Variants in RBFOX1 observed in about 807,000 individuals in gnomAD.
The protein encoded by RBFOX1 is RNA binding fox-1 homolog 1.
In RBFOX1, 8 loss-of-function variants were observed where a neutral mutation model predicts 57.7. The ratio of observed to expected loss-of-function variants is 0.14; its 90% CI spans 0.08 to 0.25. The LOEUF (loss-of-function observed/expected upper bound fraction) is 0.25. Among genes scored for constraint, RBFOX1 ranks in the 10% least tolerant of loss-of-function variants. The probability of loss-of-function intolerance (pLI) is 1.00; values close to 1 mark genes in which losing one functional copy is unlikely to be tolerated. For missense variants in RBFOX1, 611 were observed against 548.5 expected (o/e 1.11, Z -1.14); for synonymous variants, 326 against 222.4 (o/e 1.47, Z -4.15).
intron 4 of RBFOX1, among the ~76,000 whole-genome samples, chr16:7,430,206 A>G (rs1373496172): frequency 6.6e-6 from 1 of 152,252 alleles, no homozygotes; most frequent in East Asian, 1.9e-4. Context: ...ATTGGCCCAC[A>G]GTAACTATTC....
intron 4 of RBFOX1, among the ~76,000 whole-genome samples, chr16:7,125,746 A>T (rs2068348130): frequency 6.6e-6 from 1 of 152,040 alleles, no homozygotes. Context: ...ACAACTATGC[A>T]AATTGTGAGG....
intron 1 of RBFOX1, among the ~76,000 whole-genome samples, chr16:5,342,898 A>T (rs1323350083): frequency 1.3e-5 from 2 of 151,534 alleles, no homozygotes; most frequent in Non-Finnish European, 2.9e-5. Flanking sequence ...GGGTATAGGG[A>T]GATTAACCCC....
At chr16:6,063,502 C>G (rs1363919911) in intron 1 of RBFOX1, among the ~76,000 whole-genome samples, 1 of 33,442 alleles carries the variant, frequency 3.0e-5, no homozygotes, top group Non-Finnish European at 7.3e-5. Flanking sequence ...CACACACACA[C>G]ACACCCCCTT....
Position 6,210,483 on chromosome 16 carries a change from A to C in RBFOX1, c.-126-106512A>C, listed in dbSNP as rs140353249. 3.1e-4 allele frequency among the ~76,000 whole-genome samples: 47 copies of C among 152,112 alleles called. No individual in the cohort carries two copies. The East Asian group carries it at 8.9e-3, about 29-fold the overall frequency. The stretch of plus-strand genomic sequence containing the variant: ...AGTGGCTCACTCCTATAATCCCAGC[A>C]CTTTAAGAAGCTGAGACAAGAGGAT... On this transcript the variant is annotated intron_variant, in intron 1 of 15. Coordinates refer to ENST00000550418, the MANE Select transcript of RBFOX1 (RefSeq NM_018723.4).
chr16:6,662,601 A>G (rs1259371723), intron 3 of RBFOX1, among the ~76,000 whole-genome samples: 1 of 152,050 alleles, frequency 6.6e-6, no homozygotes, highest in Non-Finnish European at 1.5e-5. Context: ...TTCCTTGTCA[A>G]CTATTTCTCA....
Position 6,070,540 on chromosome 16 carries a change from G to A in RBFOX1, c.-127+50548G>A, listed in dbSNP as rs186679811. Among the ~76,000 whole-genome samples the A allele has an allele frequency of 3.3e-5, 5 of 152,238 alleles. No individual in the cohort carries two copies. In the East Asian group the frequency reaches 9.7e-4, roughly 30 times the overall value. ...AGAAGTCACTCTTGTTTTTAGATTA[G>A]CTCTGGTCACAGAAAGTAACACAGA... On this transcript the variant is annotated intron_variant, in intron 1 of 15. Coordinates refer to ENST00000550418, the MANE Select transcript of RBFOX1 (RefSeq NM_018723.4).
chr16:6,675,664 G>A lies in RBFOX1; in HGVS notation c.-16+21014G>A, dbSNP rs557916672. Among the ~76,000 whole-genome samples the A allele has an allele frequency of 2.6e-5, 4 of 152,298 alleles. No individual in the cohort carries two copies. In the South Asian group the frequency reaches 8.3e-4, roughly 32 times the overall value. ...TGACTGGGGATGCCTCACAATCATGGCAGAAGGAAAGCATGTGTTACATGG... is the reference window on the plus strand; with the variant it reads ...TGACTGGGGATGCCTCACAATCATGACAGAAGGAAAGCATGTGTTACATGG... On this transcript the variant is annotated intron_variant, in intron 3 of 15. Transcript: ENST00000550418.
intron 4 of RBFOX1, among the ~76,000 whole-genome samples, chr16:7,231,334 T>C: frequency 6.6e-6 from 1 of 152,168 alleles, no homozygotes; most frequent in Non-Finnish European, 1.5e-5. Flanking sequence ...AATCGACTAC[T>C]ATCGTTCACG....
intron 4 of RBFOX1, among the ~76,000 whole-genome samples, chr16:7,468,696 A>G (rs1455891561): frequency 1.3e-5 from 2 of 152,120 alleles, no homozygotes; most frequent in Non-Finnish European, 2.9e-5. Flanking sequence ...TCTTCTGAAG[A>G]TAGGTTGTTT....
intron 3 of RBFOX1, among the ~76,000 whole-genome samples, chr16:5,826,970 G>A (rs1482239225): frequency 6.6e-6 from 1 of 152,142 alleles, no homozygotes; most frequent in Non-Finnish European, 1.5e-5. Flanking sequence ...GCTTCTTCTA[G>A]TGCACCTTCA....
intron 2 of RBFOX1, among the ~76,000 whole-genome samples, chr16:5,515,212 A>T (rs533246267): frequency 1.3e-5 from 2 of 152,310 alleles, no homozygotes; most frequent in Admixed American, 1.3e-4. Flanking sequence ...AAACATCCAG[A>T]TTGTATCAGG....
intron 9 of RBFOX1, among the ~76,000 whole-genome samples, chr16:7,606,466 A>G (rs1302480293): frequency 2.0e-5 from 3 of 152,194 alleles, no homozygotes; most frequent in South Asian, 4.1e-4. Flanking sequence ...AGCAGGAAAC[A>G]ATAACAAAAC....
chr16:6,868,615 G>C (rs1051225951), intron 3 of RBFOX1, among the ~76,000 whole-genome samples: 1 of 151,976 alleles, frequency 6.6e-6, no homozygotes, highest in African/African-American at 2.4e-5. Flanking sequence ...GGGATTATAG[G>C]CACACACCAC....
At chr16:6,836,005 G>A (rs549005506) in intron 3 of RBFOX1, among the ~76,000 whole-genome samples, 1 of 152,082 alleles carries the variant, frequency 6.6e-6, no homozygotes, top group Non-Finnish European at 1.5e-5. Context: ...TGCAGAAGAA[G>A]CTCAGAAATA....
intron 3 of RBFOX1, among the ~76,000 whole-genome samples, chr16:6,931,346 C>CT (rs1597568010): frequency 1.4e-5 from 2 of 143,134 alleles, no homozygotes; most frequent in Non-Finnish European, 3.1e-5. Context: ...TCTCTACACA[C>CT]ACACACACAC....
chr16:6,871,257 C>G (rs961237907), intron 3 of RBFOX1, among the ~76,000 whole-genome samples: 1 of 152,190 alleles, frequency 6.6e-6, no homozygotes, highest in African/African-American at 2.4e-5. Context: ...ATGATCTCGG[C>G]TCACTCTAAC....
rs981334868 is a variant in RBFOX1 at position 6,238,037 on chromosome 16, G to A, written c.-126-78958G>A. On this transcript the variant is annotated intron_variant, in intron 1 of 15. Coordinates refer to ENST00000550418, the MANE Select transcript of RBFOX1 (RefSeq NM_018723.4). ...ACCTGGGAGGCAGAGATTGCAGTAAGCTGAAATCGCGCCACTGTACTCCAG... is the reference window on the plus strand; with the variant it reads ...ACCTGGGAGGCAGAGATTGCAGTAAACTGAAATCGCGCCACTGTACTCCAG... Among the ~76,000 whole-genome samples, 11 of 145,714 alleles carry A rather than the reference G, an allele frequency of 7.5e-5. No individual in the cohort carries two copies. In the South Asian group the frequency reaches 2.0e-3, roughly 26 times the overall value.
intron 3 of RBFOX1, among the ~76,000 whole-genome samples, chr16:6,807,879 C>T (rs956044186): frequency 3.6e-5 from 5 of 138,864 alleles, no homozygotes; most frequent in African/African-American, 1.1e-4. Flanking sequence ...ATATCTAGTT[C>T]TGTTGAATAT....
chr16:7,709,457 TC>T, intron 15 of RBFOX1: 8 of 1,417,658 alleles, frequency 5.6e-6, no homozygotes, highest in Non-Finnish European at 7.4e-6. Context: ...CTTTTTTTTT[TC>T]TTTTTTTTTC....
Sources: gnomAD v4.1 joint callset for allele counts (sites outside exome capture counted in the v4.1 genomes callset) on GRCh38, gnomAD v4.1.1 for gene constraint, MANE v1.5 for transcripts, NCBI Gene and HGNC (gene_info 2026-07-23, HGNC 2026-07-21) for gene names.